CDC42SE2: variants seen among roughly 807,000 people sequenced by gnomAD.
CDC42SE2 encodes CDC42 small effector protein 2.
In CDC42SE2, 3 loss-of-function variants were observed where a neutral mutation model predicts 11.5. The observed-to-expected ratio is 0.26, with a 90% CI of 0.12 to 0.67. The LOEUF (loss-of-function observed/expected upper bound fraction) is 0.67, where lower values mean the gene tolerates loss of function less well. CDC42SE2 is among the 30% of genes least tolerant of loss of function. CDC42SE2 has a pLI of 0.80. For missense variants in CDC42SE2, 82 were observed against 106.8 expected (o/e 0.77, Z 1.02); for synonymous variants, 33 against 34.8 (o/e 0.95, Z 0.18).
intron 4 of CDC42SE2, among the ~76,000 whole-genome samples, chr5:131,385,860 T>C (rs1051927680): frequency 1.3e-5 from 2 of 152,248 alleles, no homozygotes; most frequent in Admixed American, 1.3e-4. Context: ...CTGTTTCTTG[T>C]ACGCAACTCT....
intron 2 of CDC42SE2, among the ~76,000 whole-genome samples, chr5:131,351,039 A>G (rs1012321867): frequency 1.3e-5 from 2 of 151,852 alleles, no homozygotes; most frequent in African/African-American, 4.8e-5. Context: ...TCAACCTCCC[A>G]GGCTCAAGTG....
intron 2 of CDC42SE2, among the ~76,000 whole-genome samples, chr5:131,336,783 T>G (rs1277500896): frequency 1.3e-5 from 2 of 152,250 alleles, no homozygotes; most frequent in Non-Finnish European, 2.9e-5. Context: ...GGCTTGTGCA[T>G]TCGTCACATA....
At chr5:131,334,717 T>C (rs879495729) in intron 2 of CDC42SE2, among the ~76,000 whole-genome samples, 10 of 152,230 alleles carry the variant, frequency 6.6e-5, no homozygotes, top group Admixed American at 2.0e-4. Flanking sequence ...TCAAGGAATT[T>C]ATCCATTTCT....
chr5:131,231,991 C>A, the CDC42SE2 span, among the ~76,000 whole-genome samples: 2 of 151,958 alleles, frequency 1.3e-5, no homozygotes, highest in Non-Finnish European at 2.9e-5. Context: ...GGTTTCACCA[C>A]GTTGGCCAGG....
chr5:131,260,119 A>G (rs1756711118), upstream of CDC42SE2, among the ~76,000 whole-genome samples: 3 of 152,188 alleles, frequency 2.0e-5, no homozygotes, highest in Non-Finnish European at 4.4e-5. Context: ...GTTCTCTTAT[A>G]TATTTCTCAC....
At chr5:131,245,035 G>T (rs1312619822), upstream of CDC42SE2, among the ~76,000 whole-genome samples, 1 of 152,126 alleles carries the variant, frequency 6.6e-6, no homozygotes, top group Non-Finnish European at 1.5e-5. Context: ...CTGGCCTTAT[G>T]GGAGCAAATC....
At chr5:131,265,376 G>A (rs1277966494) in intron 1 of CDC42SE2, among the ~76,000 whole-genome samples, 1 of 152,092 alleles carries the variant, frequency 6.6e-6, no homozygotes, top group African/African-American at 2.4e-5. Flanking sequence ...TATGAATAAA[G>A]GAGTTTATGT....
intron 2 of CDC42SE2, among the ~76,000 whole-genome samples, chr5:131,337,553 C>G (rs563706182): frequency 2.6e-5 from 4 of 152,360 alleles, no homozygotes; most frequent in African/African-American, 9.6e-5. Context: ...TTTGTCTGTG[C>G]CCTGCCCCCA....
chr5:131,316,846 T>C (rs1042461186), intron 2 of CDC42SE2, among the ~76,000 whole-genome samples: 5 of 152,334 alleles, frequency 3.3e-5, no homozygotes, highest in Admixed American at 6.5e-5. Flanking sequence ...TTTCCTGTTA[T>C]TTGCTATAGA....
chr5:131,285,020 G>T (rs1394334846), intron 1 of CDC42SE2, among the ~76,000 whole-genome samples: 4 of 151,802 alleles, frequency 2.6e-5, no homozygotes, highest in Non-Finnish European at 4.4e-5. Context: ...AGGCACAGTG[G>T]CTCATTCCTG....
At chr5:131,346,903 A>G (rs1204598125) in intron 2 of CDC42SE2, among the ~76,000 whole-genome samples, 2 of 152,186 alleles carry the variant, frequency 1.3e-5, no homozygotes, top group African/African-American at 4.8e-5. Flanking sequence ...CTGAATGACT[A>G]GTGGGTAAAT....
chr5:131,217,260 G>A, the CDC42SE2 span, among the ~76,000 whole-genome samples: 1 of 152,148 alleles, frequency 6.6e-6, no homozygotes, highest in Non-Finnish European at 1.5e-5. Flanking sequence ...TTGTGACAGA[G>A]ACTATATGGC....
chr5:131,379,096 A>G (rs991089245), intron 3 of CDC42SE2, among the ~76,000 whole-genome samples: 1 of 152,222 alleles, frequency 6.6e-6, no homozygotes, highest in Non-Finnish European at 1.5e-5. Context: ...GACTTTCTCT[A>G]GGTCATAAAG....
chr5:131,380,742 C>T (rs1027946472), intron 3 of CDC42SE2, among the ~76,000 whole-genome samples: 5 of 152,098 alleles, frequency 3.3e-5, no homozygotes, highest in African/African-American at 1.2e-4. Flanking sequence ...AATTCTCTGC[C>T]ATCTTACAGG....
At chr5:131,268,546 C>T (rs1227609356) in intron 1 of CDC42SE2, among the ~76,000 whole-genome samples, 8 of 150,882 alleles carry the variant, frequency 5.3e-5, no homozygotes, top group African/African-American at 2.0e-4. Context: ...TCCACCTCCC[C>T]GGTTCAAACA....
At chr5:131,330,506 A>G (rs1305927591) in intron 2 of CDC42SE2, among the ~76,000 whole-genome samples, 1 of 151,924 alleles carries the variant, frequency 6.6e-6, no homozygotes, top group Non-Finnish European at 1.5e-5. Flanking sequence ...GATATCATGT[A>G]CTTCTTTTTC....
intron 2 of CDC42SE2, among the ~76,000 whole-genome samples, chr5:131,344,453 G>A (rs1758791212): frequency 6.6e-6 from 1 of 152,242 alleles, no homozygotes; most frequent in Admixed American, 6.5e-5. Context: ...GGCTGGGGGA[G>A]TGGCATCCAC....
In CDC42SE2 at chr5:131,386,104, G is replaced by A. The variant is rs193062137; in HGVS notation, c.156+460G>A. ...CCAACCTTTTTGGCACCAGGGACCA[G>A]TTTCGTGGAAGACAGTTTTTCCATG... On this transcript the variant is annotated intron_variant, in intron 4 of 4. Transcript: ENST00000505065. 4.2e-3 allele frequency among the ~76,000 whole-genome samples: 644 copies of A among 152,348 alleles called. 8 individuals carry two copies. Among genetic ancestry groups the A allele is most frequent in the Non-Finnish European group, 6.3e-3 (430 of 68,032 alleles).
intron 2 of CDC42SE2, among the ~76,000 whole-genome samples, chr5:131,343,700 C>T (rs987861878): frequency 7.8e-5 from 11 of 140,272 alleles, no homozygotes; most frequent in African/African-American, 3.1e-4. Context: ...GCAACAAGAG[C>T]TAAACTCTGT....
Sources: allele counts gnomAD v4.1 joint callset (sites outside exome capture counted in the v4.1 genomes callset), GRCh38; gene constraint gnomAD v4.1.1; transcripts MANE v1.5; gene names NCBI Gene and HGNC (gene_info 2026-07-23, HGNC 2026-07-21).